The following LRP1B variants were observed in gnomAD, a reference collection of about 807,000 sequenced individuals.
The protein encoded by LRP1B is LDL receptor related protein 1B.
Under a neutral mutation model 556.6 loss-of-function variants are expected in LRP1B, and 217 were observed. The observed-to-expected ratio is 0.39, with a 90% CI of 0.35 to 0.44. The LOEUF (loss-of-function observed/expected upper bound fraction) is 0.44, where lower values mean the gene tolerates loss of function less well. LRP1B is among the 20% of genes least tolerant of loss of function. The pLI, the probability that LRP1B is intolerant of heterozygous loss-of-function variation, is 1.00. For missense variants in LRP1B, 5,053 were observed against 5,620.8 expected, an observed-to-expected ratio of 0.90 and a Z score of 3.23; for synonymous variants, 2,047 against 1,865.8, an observed-to-expected ratio of 1.10 and a Z score of -2.50.
intron 1 of LRP1B, among the ~76,000 whole-genome samples, chr2:142,129,570 G>GTTTCTTTC (rs1224307952): frequency 1.4e-5 from 2 of 144,232 alleles, no homozygotes; most frequent in East Asian, 4.3e-4. Context: ...TGGGATCTGG[G>GTTTCTTTC]TTTCTTTCTC....
At chr2:141,325,721 C>A (rs1039551040) in intron 3 of LRP1B, among the ~76,000 whole-genome samples, 2 of 151,996 alleles carry the variant, frequency 1.3e-5, no homozygotes, top group African/African-American at 2.4e-5. Flanking sequence ...TCTGGAGAAG[C>A]CTTCATGGAG....
chr2:141,172,517 A>G (rs997329562), intron 7 of LRP1B, among the ~76,000 whole-genome samples: 4 of 152,030 alleles, frequency 2.6e-5, no homozygotes, highest in African/African-American at 9.7e-5. Flanking sequence ...TTCATTTGGG[A>G]AAAAAGAGAA....
intron 3 of LRP1B, among the ~76,000 whole-genome samples, chr2:141,477,925 A>G (rs897731730): frequency 3.3e-5 from 5 of 150,948 alleles, no homozygotes; most frequent in African/African-American, 1.2e-4. Context: ...CCAAAATGGT[A>G]CAATCAACCT....
intron 7 of LRP1B, among the ~76,000 whole-genome samples, chr2:141,133,720 T>C (rs1234059772): frequency 2.0e-5 from 3 of 151,998 alleles, no homozygotes; most frequent in Admixed American, 1.3e-4. Flanking sequence ...AGCATTTTTA[T>C]ATGTATGTTG....
At position 140,870,985 on chromosome 2, in the gene LRP1B, T is replaced by C. The variant is rs554798511; in HGVS notation, c.4170-2722A>G. On this transcript the variant is annotated intron_variant, in intron 25 of 90. Coordinates refer to ENST00000389484, the MANE Select transcript of LRP1B (RefSeq NM_018557.3). ...TTAGAGGACAGTTCAAAACATTATG[T>C]TTATAAACATAGTAATTACATATGC... Among the ~76,000 whole-genome samples the C allele has an allele frequency of 1.4e-4, 21 of 152,260 alleles. No individual in the cohort carries two copies. In the South Asian group the frequency reaches 4.1e-3, roughly 30 times the overall value.
At chr2:141,007,590 A>G (rs975601036) in intron 14 of LRP1B, among the ~76,000 whole-genome samples, 2 of 151,592 alleles carry the variant, frequency 1.3e-5, no homozygotes, top group Non-Finnish European at 3.0e-5. Context: ...GCTTCATAGG[A>G]TGCACTGTTA....
At chr2:141,180,478 C>T (rs1052490853) in intron 7 of LRP1B, among the ~76,000 whole-genome samples, 13 of 151,958 alleles carry the variant, frequency 8.6e-5, no homozygotes, top group Admixed American at 2.6e-4. Context: ...TTCAAGGTCA[C>T]TTGAGACTCA....
At position 140,800,399 on chromosome 2, in the gene LRP1B, A is replaced by T. The variant is rs556423775; in HGVS notation, c.5359+13258T>A. The stretch of plus-strand genomic sequence containing the variant: ...GTACCCTAGAACTTAAAAGTATAAT[A>T]ATTAAAAAAAAGTTTGCTGCACTAT... On this transcript the variant is annotated intron_variant, in intron 32 of 90. Transcript: ENST00000389484. Among the ~76,000 whole-genome samples, 5 of 152,280 alleles carry T rather than the reference A, an allele frequency of 3.3e-5. No individual in the cohort carries two copies. The South Asian group carries it at 1.0e-3, about 32-fold the overall frequency.
chr2:141,371,044 C>T (rs373651660), intron 3 of LRP1B, among the ~76,000 whole-genome samples: 5 of 151,986 alleles, frequency 3.3e-5, no homozygotes, highest in African/African-American at 9.7e-5. Flanking sequence ...AGTGCAGTGG[C>T]GTGATCTCGG....
At chr2:140,454,220 C>G (rs938761136) in intron 62 of LRP1B, among the ~76,000 whole-genome samples, 6 of 152,082 alleles carry the variant, frequency 3.9e-5, no homozygotes, top group African/African-American at 1.4e-4. Flanking sequence ...ATGATCTTGG[C>G]TCACTTCAGC....
At chr2:141,142,480 AC>A (rs1701676468) in intron 7 of LRP1B, among the ~76,000 whole-genome samples, 1 of 152,226 alleles carries the variant, frequency 6.6e-6, no homozygotes, top group African/African-American at 2.4e-5. Context: ...AGGACTCTTT[AC>A]ATTTTATAGT....
At chr2:141,197,943 T>A (rs1681824240) in intron 6 of LRP1B, among the ~76,000 whole-genome samples, 1 of 152,170 alleles carries the variant, frequency 6.6e-6, no homozygotes, top group Admixed American at 6.5e-5. Flanking sequence ...GTTTCTGTTC[T>A]TGTATATTAT....
At chr2:141,126,698 G>A (rs1016947500) in intron 7 of LRP1B, among the ~76,000 whole-genome samples, 6 of 151,918 alleles carry the variant, frequency 3.9e-5, no homozygotes, top group African/African-American at 7.3e-5. Flanking sequence ...CCACTCTTAT[G>A]GTTACAATCA....
intron 3 of LRP1B, among the ~76,000 whole-genome samples, chr2:141,366,769 G>A (rs1159813415): frequency 6.6e-6 from 1 of 152,136 alleles, no homozygotes; most frequent in African/African-American, 2.4e-5. Context: ...CATCAATTTA[G>A]AAAACAGTGA....
rs199599005 is a variant in LRP1B at position 141,905,458 on chromosome 2, C to CT, written c.83-95058dup. Among the ~76,000 whole-genome samples the CT allele has an allele frequency of 8.7e-4, 132 of 150,910 alleles. 1 individual carries two copies. The highest frequency in any genetic ancestry group is 3.0e-3 in the African/African-American group (125 of 41,170). On this transcript the variant is annotated intron_variant, in intron 1 of 90. Coordinates refer to ENST00000389484, the MANE Select transcript of LRP1B (RefSeq NM_018557.3). Reference sequence around the variant, plus strand: ...TGAGTCCAATCAACGAGGTTTTGTACTTTTTTTTTCAAGTTATAACTAGTC... The same window carrying CT: ...TGAGTCCAATCAACGAGGTTTTGTACTTTTTTTTTTCAAGTTATAACTAGTC...
intron 7 of LRP1B, among the ~76,000 whole-genome samples, chr2:141,092,255 G>C (rs1042200349): frequency 2.6e-5 from 4 of 152,106 alleles, no homozygotes; most frequent in African/African-American, 7.2e-5. Flanking sequence ...AGGTAATGAG[G>C]GTAGCCCATT....
chr2:140,903,547 C>A (rs1694163141), intron 22 of LRP1B, among the ~76,000 whole-genome samples: 1 of 151,832 alleles, frequency 6.6e-6, no homozygotes, highest in African/African-American at 2.4e-5. Context: ...ATGTACATAC[C>A]ATGATGATCT....
At position 140,945,703 on chromosome 2, in the gene LRP1B, T is replaced by TA. The variant is rs562434658; in HGVS notation, c.3136+4531dup. On this transcript the variant is annotated intron_variant, in intron 20 of 90. Transcript: ENST00000389484. The stretch of plus-strand genomic sequence containing the variant: ...CCCTATTACTATATACAAAAAAAAA[T>TA]AAAAACTCAAGACAGCTTAGAGACT... Among the ~76,000 whole-genome samples, 48 of 151,650 alleles carry TA rather than the reference T, an allele frequency of 3.2e-4. 2 individuals are homozygous for TA. In the South Asian group the frequency reaches 9.8e-3, roughly 31 times the overall value.
intron 15 of LRP1B, among the ~76,000 whole-genome samples, chr2:140,999,549 A>G (rs1369831178): frequency 1.3e-5 from 2 of 152,096 alleles, no homozygotes; most frequent in African/African-American, 2.4e-5. Context: ...AGCCAAAGTC[A>G]TTTAAATTTT....
Sources: gnomAD v4.1 joint callset for allele counts (sites outside exome capture counted in the v4.1 genomes callset) on GRCh38, gnomAD v4.1.1 for gene constraint, MANE v1.5 for transcripts, NCBI Gene and HGNC (gene_info 2026-07-23, HGNC 2026-07-21) for gene names.